Variants in SEMA6D observed in about 807,000 individuals in gnomAD.
SEMA6D encodes semaphorin 6D.
Under a neutral mutation model 106.6 loss-of-function variants are expected in SEMA6D, and 35 were observed. That is an observed-to-expected ratio of 0.33 (90% confidence interval 0.25 to 0.44). SEMA6D has a LOEUF of 0.44. SEMA6D is among the 20% of genes least tolerant of loss of function. SEMA6D has a pLI of 1.00. For missense variants in SEMA6D, 1,185 were observed against 1,345.9 expected (o/e 0.88, Z 1.87); for synonymous variants, 499 against 487.7 (o/e 1.02, Z -0.31).
At chr15:47,658,574 A>G (rs1181180054) in intron 4 of SEMA6D, among the ~76,000 whole-genome samples, 1 of 152,176 alleles carries the variant, frequency 6.6e-6, no homozygotes, top group Non-Finnish European at 1.5e-5. Flanking sequence ...CATAAACGAT[A>G]CTGGACAAAG....
rs117994491 is a variant in SEMA6D, at chr15:47,601,800, A to G, written c.-55+904A>G. Among the ~76,000 whole-genome samples the G allele has an allele frequency of 5.5e-3, 831 of 152,350 alleles. 1 individual carries two copies. The highest frequency in any genetic ancestry group is 9.5e-3 in the Non-Finnish European group (643 of 68,032). ...TAGAGCATCTGGCTTTCTAGGTATT[A>G]ACTATGGGTCCATCTACTCATAAAG... On this transcript the variant is annotated intron_variant, in intron 4 of 19. Transcript: ENST00000558014.
chr15:47,389,122 C>G (rs1043564965), intron 1 of SEMA6D, among the ~76,000 whole-genome samples: 1 of 152,208 alleles, frequency 6.6e-6, no homozygotes, highest in African/African-American at 2.4e-5. Context: ...TTCTATAAAG[C>G]TGTTCATGTT....
intron 1 of SEMA6D, among the ~76,000 whole-genome samples, chr15:47,409,387 A>G (rs2040706012): frequency 6.6e-6 from 1 of 152,230 alleles, no homozygotes; most frequent in Non-Finnish European, 1.5e-5. Context: ...TTAACTGTGT[A>G]TTAGAATGAA....
intron 1 of SEMA6D, among the ~76,000 whole-genome samples, chr15:47,339,506 CA>C (rs1340512177): frequency 3.9e-5 from 6 of 152,150 alleles, no homozygotes; most frequent in African/African-American, 1.4e-4. Context: ...GGTGTGAGAG[CA>C]GAGAAGAAAC....
At chr15:47,496,579 C>G (rs540904293) in intron 3 of SEMA6D, among the ~76,000 whole-genome samples, 26 of 152,198 alleles carry the variant, frequency 1.7e-4, no homozygotes, top group African/African-American at 6.0e-4. Flanking sequence ...ATCTCATCAT[C>G]ATTAAAATGG....
At chr15:47,599,844 A>G (rs2076611578) in intron 3 of SEMA6D, among the ~76,000 whole-genome samples, 1 of 152,144 alleles carries the variant, frequency 6.6e-6, no homozygotes, top group Non-Finnish European at 1.5e-5. Context: ...GCACTAAAAT[A>G]AAAAGAATCC....
intron 1 of SEMA6D, among the ~76,000 whole-genome samples, chr15:47,363,061 T>C (rs1418765904): frequency 6.6e-6 from 1 of 151,984 alleles, no homozygotes. Flanking sequence ...AATAATAATT[T>C]TAATAGTATT....
chr15:47,345,631 G>A (rs1467222520), intron 1 of SEMA6D, among the ~76,000 whole-genome samples: 2 of 152,106 alleles, frequency 1.3e-5, no homozygotes, highest in African/African-American at 4.8e-5. Flanking sequence ...GAAAACGTTT[G>A]TCTCCTTGAG....
intron 1 of SEMA6D, among the ~76,000 whole-genome samples, chr15:47,187,799 A>AAT (rs1893680102): frequency 7.3e-6 from 1 of 137,772 alleles, no homozygotes; most frequent in Non-Finnish European, 1.7e-5. Flanking sequence ...TACTGTTGAA[A>AAT]ACGTGGGAAT....
At chr15:47,682,466 C>T (rs972309330) in intron 4 of SEMA6D, among the ~76,000 whole-genome samples, 1 of 151,310 alleles carries the variant, frequency 6.6e-6, no homozygotes, top group African/African-American at 2.4e-5. Context: ...CGCACACAGC[C>T]AACAGTGCCA....
At chr15:47,710,124 G>C (rs2078987374) in intron 4 of SEMA6D, among the ~76,000 whole-genome samples, 1 of 152,160 alleles carries the variant, frequency 6.6e-6, no homozygotes, top group South Asian at 2.1e-4. Context: ...CCAGTAGCTT[G>C]ATATTTATGA....
intron 4 of SEMA6D, among the ~76,000 whole-genome samples, chr15:47,707,848 A>C (rs533428215): frequency 2.0e-5 from 3 of 152,244 alleles, no homozygotes; most frequent in Admixed American, 2.0e-4. Context: ...ACCCAAAACC[A>C]TACTCAATTA....
At chr15:47,453,323 A>G (rs2042247383) in intron 2 of SEMA6D, among the ~76,000 whole-genome samples, 1 of 151,984 alleles carries the variant, frequency 6.6e-6, no homozygotes, top group Admixed American at 6.6e-5. Flanking sequence ...TGTGTTTTAA[A>G]CAAAAGTGAC....
chr15:47,307,846 C>T (rs1184179253), intron 1 of SEMA6D, among the ~76,000 whole-genome samples: 1 of 152,140 alleles, frequency 6.6e-6, no homozygotes, highest in Non-Finnish European at 1.5e-5. Context: ...TGCTTCATTA[C>T]TTAAAACCGT....
intron 4 of SEMA6D, among the ~76,000 whole-genome samples, chr15:47,630,743 C>T (rs182968121): frequency 5.3e-5 from 8 of 151,744 alleles, no homozygotes; most frequent in South Asian, 2.1e-4. Flanking sequence ...TTTGTGGATG[C>T]GTATTATTGA....
intron 3 of SEMA6D, among the ~76,000 whole-genome samples, chr15:47,585,562 G>A (rs769416218): frequency 2.0e-5 from 3 of 152,092 alleles, no homozygotes; most frequent in Non-Finnish European, 4.4e-5. Flanking sequence ...AGAAAGACAG[G>A]CCACCTTTTC....
At chr15:47,391,838 A>C (rs1274001465) in intron 1 of SEMA6D, among the ~76,000 whole-genome samples, 1 of 152,112 alleles carries the variant, frequency 6.6e-6, no homozygotes, top group East Asian at 1.9e-4. Context: ...ACATTTTTAG[A>C]AAAATTGGAA....
intron 1 of SEMA6D, among the ~76,000 whole-genome samples, chr15:47,384,587 A>G (rs1293127373): frequency 6.6e-6 from 1 of 152,184 alleles, no homozygotes; most frequent in African/African-American, 2.4e-5. Context: ...TCAGCTACCA[A>G]CTGTGGCATA....
chr15:47,406,362 A>T (rs2040568281), intron 1 of SEMA6D, among the ~76,000 whole-genome samples: 1 of 152,202 alleles, frequency 6.6e-6, no homozygotes, highest in African/African-American at 2.4e-5. Context: ...TAAGATACTT[A>T]TCCCCACTGA....
Sources: allele counts gnomAD v4.1 joint callset (sites outside exome capture counted in the v4.1 genomes callset), GRCh38; gene constraint gnomAD v4.1.1; transcripts MANE v1.5; gene names NCBI Gene and HGNC (gene_info 2026-07-23, HGNC 2026-07-21).